Variants in PPME1 observed in about 807,000 individuals in gnomAD.
The protein encoded by PPME1 is testicular secretory protein Li 39.
In PPME1, 17 loss-of-function variants were observed where a neutral mutation model predicts 56.9. That is an observed-to-expected ratio of 0.30 (90% CI 0.20 to 0.45). PPME1 has a LOEUF of 0.45. Ranked by LOEUF, PPME1 falls within the 20% of genes least tolerant of loss-of-function variation. The pLI is 1.00. For synonymous variants in PPME1, 122 were observed against 156.2 expected, an observed-to-expected ratio of 0.78 and a Z score of 1.63; for missense variants, 357 against 483.2, an observed-to-expected ratio of 0.74 and a Z score of 2.45.
chr11:74,215,067 T>C (rs1219588883), intron 3 of PPME1, among the ~76,000 whole-genome samples: 1 of 152,062 alleles, frequency 6.6e-6, no homozygotes, highest in East Asian at 1.9e-4. Flanking sequence ...TATAAATAGG[T>C]TGGGCATGGT....
intron 4 of PPME1, among the ~76,000 whole-genome samples, chr11:74,223,876 T>C (rs1298590171): frequency 2.0e-4 from 30 of 147,958 alleles, no homozygotes; most frequent in African/African-American, 5.3e-4. Context: ...GCGAAAATTT[T>C]CTCCCATTTT....
At chr11:74,198,219 G>C (rs1858043657) in intron 1 of PPME1, among the ~76,000 whole-genome samples, 1 of 152,116 alleles carries the variant, frequency 6.6e-6, no homozygotes, top group Non-Finnish European at 1.5e-5. Flanking sequence ...ACATTCCCAA[G>C]ATTTGTTCAT....
At chr11:74,214,235 G>A (rs750130367) in intron 3 of PPME1, among the ~76,000 whole-genome samples, 1 of 152,082 alleles carries the variant, frequency 6.6e-6, no homozygotes, top group Non-Finnish European at 1.5e-5. Flanking sequence ...ATTTGATGAG[G>A]CAGAAGTAAG....
intron 1 of PPME1, among the ~76,000 whole-genome samples, chr11:74,202,110 C>G (rs1858185509): frequency 6.6e-6 from 1 of 152,162 alleles, no homozygotes; most frequent in South Asian, 2.1e-4. Flanking sequence ...CAATCCAAGG[C>G]AGAATAATTT....
At chr11:74,222,399 T>G (rs1276517822) in intron 4 of PPME1, 30 bp downstream of exon 4, 2 of 1,547,602 alleles carry the variant, frequency 1.3e-6, no homozygotes, top group East Asian at 2.2e-5. Flanking sequence ...AGCCATTAAC[T>G]GGATTATAGT....
intron 1 of PPME1, among the ~76,000 whole-genome samples, chr11:74,187,458 T>C (rs1012276504): frequency 6.6e-6 from 1 of 152,242 alleles, no homozygotes; most frequent in Non-Finnish European, 1.5e-5. Context: ...TGCATTTATT[T>C]GGCTATATTT....
In PPME1 at chr11:74,237,275, C is replaced by CTTTTTTTTTTTTTT. The variant is rs763251745; in HGVS notation, c.710+1314_710+1327dup. On this transcript the variant is annotated intron_variant, in intron 8 of 13. Coordinates refer to ENST00000328257, the MANE Select transcript of PPME1 (RefSeq NM_016147.3). The stretch of plus-strand genomic sequence containing the variant: ...CAGGAAGTACATAATGTCTGGTTGT[C>CTTTTTTTTTTTTTT]TTTTTTTTTTTTTTTTTTGAGACAG... 8.0e-4 allele frequency among the ~76,000 whole-genome samples: 102 copies of CTTTTTTTTTTTTTT among 128,006 alleles called. 9 individuals carry two copies. Among genetic ancestry groups the CTTTTTTTTTTTTTT allele is most frequent in the African/African-American group, 3.0e-3 (92 of 30,782 alleles). The allele number at this position is 128,006 out of a possible 152,430, so 84.0% of individuals were successfully genotyped here. A position where few individuals can be genotyped will look rare whatever the true frequency, so the allele number is the denominator to read the frequency against.
chr11:74,211,429 A>G (rs1006482964), intron 3 of PPME1, among the ~76,000 whole-genome samples: 2 of 152,238 alleles, frequency 1.3e-5, no homozygotes, highest in Admixed American at 1.3e-4. Flanking sequence ...ATTGGTAGAA[A>G]GAATAAAGAA....
intron 1 of PPME1, among the ~76,000 whole-genome samples, chr11:74,199,697 A>T (rs1858096597): frequency 6.6e-6 from 1 of 152,244 alleles, no homozygotes; most frequent in Non-Finnish European, 1.5e-5. Flanking sequence ...ACTGATAAAG[A>T]CATATCCAAG....
At chr11:74,247,022 TTTAC>T (rs1208374453) in intron 10 of PPME1, 53 bp from the exon 11 acceptor site, 2 of 1,429,802 alleles carry the variant, frequency 1.4e-6, no homozygotes, top group Non-Finnish European at 1.9e-6. Flanking sequence ...TGTAACACTT[TTTAC>T]TTAATACGTG....
intron 1 of PPME1, among the ~76,000 whole-genome samples, chr11:74,175,657 A>G (rs1277175356): frequency 6.6e-6 from 1 of 152,160 alleles, no homozygotes; most frequent in Non-Finnish European, 1.5e-5. Flanking sequence ...TCGTGGGCTC[A>G]AGCAGTCTTC....
chr11:74,203,657 C>T, intron 1 of PPME1, 71 bp from the exon 2 acceptor site: 2 of 1,135,362 alleles, frequency 1.8e-6, no homozygotes, highest in Non-Finnish European at 1.3e-6. Context: ...TTACATTTAG[C>T]ATTTATTGAC....
rs1327528776 is a variant in PPME1, at chr11:74,190,037, A to G, written c.102-13691A>G. Reference sequence around the variant, plus strand: ...GAAACTTTTTGAGTGCTGACATGACACAAGTCAAAACAGAGCAAGAAATGA... The same window carrying G: ...GAAACTTTTTGAGTGCTGACATGACGCAAGTCAAAACAGAGCAAGAAATGA... On this transcript the variant is annotated intron_variant, in intron 1 of 13. Coordinates refer to ENST00000328257, the MANE Select transcript of PPME1 (RefSeq NM_016147.3). Among the ~76,000 whole-genome samples the G allele has an allele frequency of 2.0e-5, 3 of 152,246 alleles. No homozygotes were observed. The East Asian group carries it at 5.8e-4, about 29-fold the overall frequency.
At position 74,230,569 on chromosome 11, in the gene PPME1, A is replaced by G. The variant is rs895218348; in HGVS notation, c.553+170A>G. Among the ~76,000 whole-genome samples, 1 of 152,200 alleles carries G rather than the reference A, an allele frequency of 6.6e-6. No homozygotes were observed. Among genetic ancestry groups the G allele is most frequent in the African/African-American group, 2.4e-5 (1 of 41,440 alleles). The stretch of plus-strand genomic sequence containing the variant: ...AGATAACCATTTTTCCATGTCATCA[A>G]AAACTCTTCATTAACATCTTTTTAT... On this transcript the variant is annotated intron_variant, in intron 6 of 13. Transcript: ENST00000328257. This position sits in a 1 kb window ranked among gnomAD's most constrained non-coding sequence, Gnocchi z 4.9.
intron 1 of PPME1, among the ~76,000 whole-genome samples, chr11:74,189,478 A>C (rs1419255620): frequency 6.6e-6 from 1 of 152,130 alleles, no homozygotes; most frequent in African/African-American, 2.4e-5. Flanking sequence ...TCATAGAGAC[A>C]GTGTTTTGCC....
At chr11:74,216,525 C>T (rs1462725610) in intron 3 of PPME1, among the ~76,000 whole-genome samples, 1 of 152,060 alleles carries the variant, frequency 6.6e-6, no homozygotes, top group Non-Finnish European at 1.5e-5. Context: ...CTATAAGAGC[C>T]TACATCAAGA....
rs1342747324 is a variant in PPME1 at position 74,230,974 on chromosome 11, A to G, written c.616A>G (p.Lys206Glu). The G allele has an allele frequency of 1.9e-6, 3 of 1,602,008 alleles. No homozygotes were observed. Among genetic ancestry groups the G allele is most frequent in the Middle Eastern group, 3.3e-4 (2 of 6,052 alleles). The change falls in exon 7 of 14, where the codon AAG (lysine) becomes GAG (glutamate). Residue 206 changes from lysine (K) to glutamate (E), a missense_variant. Lys to Glu is a moderately conservative substitution (Grantham distance 56). Transcript: ENST00000328257. The surrounding 1 kb of genome is among the most constrained non-coding windows in gnomAD (Gnocchi z 4.9). ...NFLRGRPKTF[K>E]SLENAIEWSV... is the part of the protein sequence containing the mutation. ...CTTACGGGGTCGTCCTAAAACCTTC[A>G]AGTCTCTGGAGAATGCTATTGAATG...
chr11:74,183,513 TA>T (rs1857594383), intron 1 of PPME1, among the ~76,000 whole-genome samples: 1 of 152,112 alleles, frequency 6.6e-6, no homozygotes, highest in Admixed American at 6.5e-5. Context: ...CATTTATATA[TA>T]TTATATATAT....
chr11:74,213,398 C>T (rs1300178121), intron 3 of PPME1, among the ~76,000 whole-genome samples: 1 of 152,274 alleles, frequency 6.6e-6, no homozygotes, highest in East Asian at 1.9e-4. Context: ...CACCTGGGAC[C>T]AGGGGCAACC....
Sources: gnomAD v4.1 joint callset for allele counts (sites outside exome capture counted in the v4.1 genomes callset) on GRCh38, gnomAD v4.1.1 for gene constraint, Gnocchi (gnomAD v3.1) non-coding constraint, MANE v1.5 for transcripts, NCBI Gene and HGNC (gene_info 2026-07-23, HGNC 2026-07-21) for gene names.